Variants in KIF23 observed in about 807,000 individuals in gnomAD.
KIF23 encodes the protein kinesin-like protein KIF23.
KIF23 carries 30 observed loss-of-function variants against 137.5 expected under a neutral mutation model. The observed-to-expected ratio is 0.22, with a 90% CI of 0.16 to 0.30. The LOEUF (loss-of-function observed/expected upper bound fraction) is 0.30, where lower values mean the gene tolerates loss of function less well. Ranked by LOEUF, KIF23 falls within the 10% of genes least tolerant of loss-of-function variation. The probability of loss-of-function intolerance (pLI) is 1.00; values close to 1 mark genes in which losing one functional copy is unlikely to be tolerated. For synonymous variants in KIF23, 367 were observed against 391.1 expected (o/e 0.94, Z 0.73); for missense variants, 920 against 1,194.3 (o/e 0.77, Z 3.38).
chr15:69,439,519 A>T (rs2057563754), intron 16 of KIF23, among the ~76,000 whole-genome samples: 1 of 152,206 alleles, frequency 6.6e-6, no homozygotes, highest in South Asian at 2.1e-4. Flanking sequence ...AGCACTGTGT[A>T]ATGTATGTCT....
Position 69,448,246 on chromosome 15 carries a change from T to C in KIF23, c.*439T>C, listed in dbSNP as rs1242368125. 1 of 153,062 alleles carries C rather than the reference T, an allele frequency of 6.5e-6. No individual in the cohort carries two copies. The highest frequency in any genetic ancestry group is 1.9e-4 in the East Asian group (1 of 5,234). 9.5% of individuals were successfully genotyped at this position (153,062 alleles called of 1,614,324 possible). On this transcript the variant is annotated 3_prime_UTR_variant, in exon 24 of 24. Coordinates refer to ENST00000679126, the MANE Select transcript of KIF23 (RefSeq NM_001367805.3). ...AAGGTTTTATAAACAAATGCTGCTA[T>C]TTATTAGCTGCAAGAATGCACTTTA...
At position 69,444,918 on chromosome 15, in the gene KIF23, A is replaced by T. The variant is rs753378804; in HGVS notation, c.2550A>T (p.Pro850=). ...TGCAAACTGAAACAGTCATGCAGCC[A>T]CATGTCCCTCATGCCATCACAGTAT... ...SNMQTETVMQ[P]HVPHAITVSV... Residue 850 remains proline (P), a synonymous_variant, in exon 20 of 24, where the codon CCA becomes CCT. Transcript: ENST00000679126. The surrounding 1 kb of genome is among the most constrained non-coding windows in gnomAD (Gnocchi z 4.2). 4 of 1,614,212 alleles carry T rather than the reference A, an allele frequency of 2.5e-6. No individual in the cohort carries two copies. The highest frequency in any genetic ancestry group is 3.4e-6 in the Non-Finnish European group (4 of 1,180,034).
rs140702662 is a variant in KIF23, at chr15:69,425,620, T to G, written c.776+297T>G. On this transcript the variant is annotated intron_variant, in intron 8 of 23. Transcript: ENST00000679126. ...GCCACTTTGAAAGGATTGCCACTCC[T>G]GGTATATACCAAACTCTTTCTGAAT... 2.0e-5 allele frequency among the ~76,000 whole-genome samples: 3 copies of G among 152,350 alleles called. No homozygotes were observed. The East Asian group carries it at 5.8e-4, about 29-fold the overall frequency.
At chr15:69,414,537 G>GGGGCAGGCGTCTCCACTCAGA (rs1026077462) in intron 1 of KIF23, 61 bp downstream of exon 1, 2 of 1,492,214 alleles carry the variant, frequency 1.3e-6, no homozygotes, top group East Asian at 2.6e-5. Flanking sequence ...CTCGGGGCTG[G>GGGGCAGGCGTCTCCACTCAGA]GGGCAGGCGT....
In KIF23 at chr15:69,438,441, T is replaced by C. The variant is rs764909384; in HGVS notation, c.1755+36T>C. ...ACATTATTATGATAGATGTATGTGC[T>C]GGTGTTTTAGCACTGTTCTCTGAGG... On this transcript the variant is annotated intron_variant, in intron 16 of 23. Transcript: ENST00000679126. 3.2e-5 allele frequency: 50 copies of C among 1,569,320 alleles called. No homozygotes were observed. In the South Asian group the frequency reaches 5.8e-4, roughly 18 times the overall value.
chr15:69,440,100 T>C, intron 17 of KIF23, 23 bp downstream of exon 17: 2 of 1,603,816 alleles, frequency 1.2e-6, no homozygotes, highest in Non-Finnish European at 1.7e-6. Context: ...TGGGTAGTGC[T>C]TGTCTCAGAG....
At chr15:69,425,976 C>A in intron 8 of KIF23, 94 bp from the exon 9 acceptor site, 1 of 374,710 alleles carries the variant, frequency 2.7e-6, no homozygotes, top group Non-Finnish European at 4.6e-6. Flanking sequence ...AGAAGAATAA[C>A]ATGTCATGTC....
rs1007418001 is a variant in KIF23 at position 69,422,424 on chromosome 15, T to G, written c.552T>G (p.Thr184=). 16 of 1,583,304 alleles carry G rather than the reference T, an allele frequency of 1.0e-5. No individual in the cohort carries two copies. The highest frequency in any genetic ancestry group is 2.2e-5 in the South Asian group (2 of 90,428). The part of the protein sequence containing the change: ...QKREAMPNPK[T]SSSKRQVDPE... ...GAGAAGCTATGCCCAATCCAAAGAC[T>G]TCTTCTAGCAAGTAAGTAATTATAT... The change falls in exon 6 of 24, where the codon ACT becomes ACG. Residue 184 remains threonine (T), a synonymous_variant. Transcript: ENST00000679126.
At chr15:69,423,035 G>A in intron 6 of KIF23, 124 bp from the exon 7 acceptor site, 1 of 645,790 alleles carries the variant, frequency 1.5e-6, no homozygotes, top group Non-Finnish European at 2.7e-6. Context: ...CTGATCTCAG[G>A]TGATCCGCCT....
Position 69,422,419 on chromosome 15 carries a change from A to C in KIF23, c.547A>C (p.Lys183Gln). The C allele has an allele frequency of 6.3e-7, 1 of 1,592,188 alleles. No homozygotes were observed. Among genetic ancestry groups the C allele is most frequent in the South Asian group, 1.1e-5 (1 of 90,640 alleles). Reference protein sequence around the residue: ...RQKREAMPNPKTSSSKRQVDP... With the variant: ...RQKREAMPNPQTSSSKRQVDP... ...GAAAAGAGAAGCTATGCCCAATCCA[A>C]AGACTTCTTCTAGCAAGTAAGTAAT... The change falls in exon 6 of 24, where the codon AAG becomes CAG. Residue 183 changes from lysine (K) to glutamine (Q), a missense_variant. Lys to Gln is a moderately conservative substitution (Grantham distance 53). This residue lies in a region of KIF23 where 714 missense variants were observed against 866.2 expected (regional missense o/e 0.82). Coordinates refer to ENST00000679126, the MANE Select transcript of KIF23 (RefSeq NM_001367805.3).
intron 22 of KIF23, 183 bp from the exon 23 acceptor site, chr15:69,446,688 G>A (rs961812617): frequency 1.5e-6 from 1 of 664,282 alleles, no homozygotes; most frequent in East Asian, 2.7e-5. Flanking sequence ...GACCTTTCTG[G>A]CTCACAACAT....
At chr15:69,433,664 G>T (rs909524078) in intron 11 of KIF23, among the ~76,000 whole-genome samples, 4 of 152,096 alleles carry the variant, frequency 2.6e-5, no homozygotes, top group Non-Finnish European at 5.9e-5. Context: ...CCATGAAACT[G>T]GTCCCTGATG....
chr15:69,445,371 G>A (rs1567082151), intron 20 of KIF23, among the ~76,000 whole-genome samples: 2 of 151,988 alleles, frequency 1.3e-5, no homozygotes, highest in South Asian at 2.1e-4. Context: ...CTCTCCATCA[G>A]TTCAAGATAA....
chr15:69,433,796 A>T (rs899393447), intron 11 of KIF23, among the ~76,000 whole-genome samples: 1 of 152,132 alleles, frequency 6.6e-6, no homozygotes, highest in African/African-American at 2.4e-5. Flanking sequence ...TTGGAAAACA[A>T]TAATTTCAAA....
intron 10 of KIF23, among the ~76,000 whole-genome samples, chr15:69,428,125 C>T (rs1322692998): frequency 6.6e-6 from 1 of 152,008 alleles, no homozygotes; most frequent in African/African-American, 2.4e-5. Context: ...GGCATAGTGG[C>T]GCATGCCTGT....
At position 69,437,522 on chromosome 15, in the gene KIF23, G is replaced by A. The variant is rs1008844979; in HGVS notation, c.1598-726G>A. Among the ~76,000 whole-genome samples, 15 of 146,072 alleles carry A rather than the reference G, an allele frequency of 1.0e-4. No individual in the cohort carries two copies. The East Asian group carries it at 1.2e-3, about 12-fold the overall frequency. On this transcript the variant is annotated intron_variant, in intron 15 of 23. Transcript: ENST00000679126. ...GTTGCCCAAGTTGGAGTGCAATGGC[G>A]CAATCTCGGCTCACTGCAACCTCCG... is the stretch of plus-strand genomic sequence containing the variant.
intron 11 of KIF23, among the ~76,000 whole-genome samples, chr15:69,431,027 G>A (rs1423590834): frequency 1.3e-5 from 2 of 152,108 alleles, no homozygotes; most frequent in Non-Finnish European, 2.9e-5. Context: ...TACCAGGAGC[G>A]AGCCTAAATA....
intron 7 of KIF23, 105 bp from the exon 8 acceptor site, chr15:69,425,177 T>C: frequency 2.5e-6 from 2 of 815,662 alleles, no homozygotes; most frequent in Admixed American, 2.8e-5. Flanking sequence ...AAGTGGAGGG[T>C]TTTTAAGATA....
chr15:69,447,521 A>G (rs932828854), intron 23 of KIF23, among the ~76,000 whole-genome samples: 2 of 152,192 alleles, frequency 1.3e-5, no homozygotes, highest in African/African-American at 4.8e-5. Context: ...ACATATATGT[A>G]TATAAAATGT....
Sources: gnomAD v4.1 joint callset for allele counts (sites outside exome capture counted in the v4.1 genomes callset) on GRCh38, gnomAD v4.1.1 for gene constraint, gnomAD v4.1.1 regional missense constraint, Gnocchi (gnomAD v3.1) non-coding constraint, MANE v1.5 for transcripts, NCBI Gene and HGNC (gene_info 2026-07-23, HGNC 2026-07-21) for gene names.